MACROH2A1: variants seen among roughly 807,000 people sequenced by gnomAD.
MACROH2A1 encodes core histone macro-H2A.1.
In MACROH2A1, 2 loss-of-function variants were observed where a neutral mutation model predicts 31.6. The observed-to-expected ratio is 0.06, with a 90% CI of 0.03 to 0.20. The LOEUF (loss-of-function observed/expected upper bound fraction) is 0.20. Among genes scored for constraint, MACROH2A1 ranks in the 10% least tolerant of loss-of-function variants. The pLI is 1.00. For synonymous variants in MACROH2A1, 169 were observed against 189.6 expected (o/e 0.89, Z 0.89); for missense variants, 230 against 474.0 (o/e 0.49, Z 4.78).
chr5:135,354,133 G>C (rs1761906820), intron 5 of MACROH2A1: 1 of 152,262 alleles, frequency 6.6e-6, no homozygotes, highest in Non-Finnish European at 1.5e-5. Flanking sequence ...AGTGGCTGCA[G>C]TCTGCAGGGT....
intron 8 of MACROH2A1, among the ~76,000 whole-genome samples, chr5:135,338,630 TACTG>T (rs1405231052): frequency 1.3e-5 from 2 of 152,242 alleles, no homozygotes; most frequent in Non-Finnish European, 2.9e-5. Context: ...CCCAGTGCAG[TACTG>T]ACTGCTTTCA....
Position 135,352,988 on chromosome 5 carries a change from T to C in MACROH2A1, c.646A>G (p.Ile216Val), listed in dbSNP as rs781543521. Reference sequence around the variant, plus strand: ...TCAATGTCAGCATTGGTAGGATTGATTATGGCCTCCACCTCAAAGCCGGCT... The same window carrying C: ...TCAATGTCAGCATTGGTAGGATTGACTATGGCCTCCACCTCAAAGCCGGCT... ...NLAGFEVEAIINPTNADIDLK... is the reference protein window; with the variant it reads ...NLAGFEVEAIVNPTNADIDLK... Residue 216 changes from isoleucine (I) to valine (V), a missense_variant, in exon 6 of 9, where the codon ATC becomes GTC. By Grantham distance (29) the Ile-to-Val change is conservative. This residue lies in a region of MACROH2A1 where 183 missense variants were observed against 319.3 expected (regional missense o/e 0.57). Transcript: ENST00000511689. 6.2e-7 allele frequency: 1 copy of C among 1,608,378 alleles called. No homozygotes were observed.
intron 6 of MACROH2A1, chr5:135,350,898 C>T: frequency 1.2e-6 from 2 of 1,610,952 alleles, no homozygotes; most frequent in Non-Finnish European, 1.7e-6. Flanking sequence ...GCAATGTCAG[C>T]CTGTACAACT....
At chr5:135,390,834 G>T (rs988075121) in intron 1 of MACROH2A1, among the ~76,000 whole-genome samples, 3 of 152,230 alleles carry the variant, frequency 2.0e-5, no homozygotes, top group African/African-American at 7.2e-5. Flanking sequence ...CATCTGGGAT[G>T]AGCCACAGAG....
intron 5 of MACROH2A1, chr5:135,359,988 G>T: frequency 1.3e-6 from 1 of 757,708 alleles, no homozygotes; most frequent in Non-Finnish European, 1.6e-6. Context: ...CAATTAGCTG[G>T]AAGAGTCATC....
chr5:135,362,374 C>T (rs1202327629), intron 4 of MACROH2A1: 5 of 152,212 alleles, frequency 3.3e-5, no homozygotes, highest in African/African-American at 1.2e-4. Context: ...GTAAATCTAA[C>T]ACTATTCTAA....
At chr5:135,364,205 A>G (rs1763204414) in intron 4 of MACROH2A1, among the ~76,000 whole-genome samples, 1 of 152,188 alleles carries the variant, frequency 6.6e-6, no homozygotes, top group Admixed American at 6.5e-5. Context: ...ACACTTAGAC[A>G]CAGGGCGGGG....
chr5:135,360,437 A>T, intron 5 of MACROH2A1, 60 bp downstream of exon 5: 1 of 1,086,900 alleles, frequency 9.2e-7, no homozygotes. Flanking sequence ...CAGTGGAAGT[A>T]GCCTGTGCCC....
In MACROH2A1 at chr5:135,399,154, G is replaced by GCCCGCCCGCCTCTTCGCTT. The variant is rs1768508023; in HGVS notation, c.-145_-127dup. The stretch of plus-strand genomic sequence containing the variant: ...CCTTTTCTCTCCGCGCTCCTCGCTG[G>GCCCGCCCGCCTCTTCGCTT]CCCGCCCGCCTCTTCGCTTCCCGCC... On this transcript the variant is annotated 5_prime_UTR_variant, in exon 1 of 9. Coordinates refer to ENST00000511689, the MANE Select transcript of MACROH2A1 (RefSeq NM_138610.3). The surrounding 1 kb of genome is among the most constrained non-coding windows in gnomAD (Gnocchi z 4.5). 2 of 151,206 alleles carry GCCCGCCCGCCTCTTCGCTT rather than the reference G, an allele frequency of 1.3e-5. No homozygotes were observed. The highest frequency in any genetic ancestry group is 3.9e-4 in the East Asian group (2 of 5,068). The allele number at this position is 151,206 out of a possible 1,614,324, so 9.4% of individuals were successfully genotyped here.
intron 6 of MACROH2A1, chr5:135,351,542 A>ATTTT (rs1761550619): frequency 2.2e-5 from 1 of 45,704 alleles, no homozygotes; most frequent in Admixed American, 2.2e-4. Flanking sequence ...TTTATGGTTT[A>ATTTT]ATTTTTTTTT....
At chr5:135,349,367 T>C (rs990895160) in intron 6 of MACROH2A1, among the ~76,000 whole-genome samples, 3 of 152,160 alleles carry the variant, frequency 2.0e-5, no homozygotes, top group Non-Finnish European at 2.9e-5. Flanking sequence ...CTGCCTGACT[T>C]TGGAGCTCTT....
chr5:135,352,649 G>A (rs577643263), intron 6 of MACROH2A1, among the ~76,000 whole-genome samples: 8 of 152,230 alleles, frequency 5.3e-5, no homozygotes, highest in East Asian at 1.9e-4. Flanking sequence ...AAACCAACAC[G>A]TTTAAAAATC....
intron 5 of MACROH2A1, chr5:135,357,373 G>C (rs1371450804): frequency 2.0e-5 from 3 of 152,222 alleles, no homozygotes; most frequent in African/African-American, 7.2e-5. Flanking sequence ...TCAACTTCAA[G>C]AGCTCCCTTT....
chr5:135,398,051 G>A lies in MACROH2A1; in HGVS notation c.-34+1011C>T, dbSNP rs1204565640. Among the ~76,000 whole-genome samples the A allele has an allele frequency of 6.6e-6, 1 of 152,206 alleles. No individual in the cohort carries two copies. On this transcript the variant is annotated intron_variant, in intron 1 of 8. Coordinates refer to ENST00000511689, the MANE Select transcript of MACROH2A1 (RefSeq NM_138610.3). The surrounding 1 kb of genome is among the most constrained non-coding windows in gnomAD (Gnocchi z 4.6). ...ATCTTACAAGGCCTTTATAGTCATT[G>A]TAATTGTTGAATTCAAGGTTTGTCC... is the stretch of plus-strand genomic sequence containing the variant.
At chr5:135,358,618 C>T (rs749054760) in intron 5 of MACROH2A1, 3 of 984,952 alleles carry the variant, frequency 3.0e-6, no homozygotes, top group Non-Finnish European at 3.6e-6. Context: ...AATTTTCCTT[C>T]CAAAAGTCAA....
intron 1 of MACROH2A1, among the ~76,000 whole-genome samples, chr5:135,396,985 C>T (rs1046537470): frequency 1.3e-5 from 2 of 152,138 alleles, no homozygotes; most frequent in Non-Finnish European, 2.9e-5. Context: ...ATCTGGGCCC[C>T]AATCACTCCT....
chr5:135,351,274 TAAAA>T (rs879456632), intron 6 of MACROH2A1: 1 of 147,964 alleles, frequency 6.8e-6, no homozygotes, highest in African/African-American at 2.5e-5. Context: ...GGCATCTGTT[TAAAA>T]AAAAAAAAAG....
chr5:135,360,600 T>G lies in MACROH2A1; in HGVS notation c.485A>C (p.Gln162Pro), dbSNP rs764236186. 9.9e-6 allele frequency: 16 copies of G among 1,611,058 alleles called. No homozygotes were observed. The highest frequency in any genetic ancestry group is 1.4e-5 in the Non-Finnish European group (16 of 1,177,368). ...GCTGGCTGCCTTACTGACTTCACCC[T>G]GCTTCTTCTTGCACAGACGGAAGGG... Reference protein sequence around the residue: ...KKGARKSKKKQGEVSKAASAD... With the variant: ...KKGARKSKKKPGEVSKAASAD... Residue 162 changes from glutamine to proline, a missense_variant, in exon 5 of 9, where the codon CAG becomes CCG. Around this residue, in one of 2 missense-constraint regions of MACROH2A1, gnomAD observed 183 missense variants for 319.3 expected, o/e 0.57. Coordinates refer to ENST00000511689, the MANE Select transcript of MACROH2A1 (RefSeq NM_138610.3).
At chr5:135,336,836 C>A (rs1170917125) in intron 8 of MACROH2A1, among the ~76,000 whole-genome samples, 1 of 152,180 alleles carries the variant, frequency 6.6e-6, no homozygotes, top group Non-Finnish European at 1.5e-5. Flanking sequence ...CTGGAATGAG[C>A]CACGTTGAGA....
Sources: gnomAD v4.1 joint callset for allele counts (sites outside exome capture counted in the v4.1 genomes callset) on GRCh38, gnomAD v4.1.1 for gene constraint, gnomAD v4.1.1 regional missense constraint, Gnocchi (gnomAD v3.1) non-coding constraint, MANE v1.5 for transcripts, NCBI Gene and HGNC (gene_info 2026-07-23, HGNC 2026-07-21) for gene names.